CNTN1: variants seen among roughly 807,000 people sequenced by gnomAD.
CNTN1 encodes contactin-1.
In CNTN1, 38 loss-of-function variants were observed where a neutral mutation model predicts 126.4. The ratio of observed to expected loss-of-function variants is 0.30; its 90% CI spans 0.23 to 0.39. The LOEUF (loss-of-function observed/expected upper bound fraction) is 0.39. Ranked by LOEUF, CNTN1 falls within the 10% of genes least tolerant of loss-of-function variation. CNTN1 has a pLI of 1.00. For missense variants in CNTN1, 1,009 were observed against 1,248.4 expected (o/e 0.81, Z 2.89); for synonymous variants, 413 against 422.6 (o/e 0.98, Z 0.28).
At chr12:40,851,270 A>G (rs1942705623) in intron 1 of CNTN1, among the ~76,000 whole-genome samples, 1 of 152,168 alleles carries the variant, frequency 6.6e-6, no homozygotes, top group Non-Finnish European at 1.5e-5. Flanking sequence ...TAGTTTGTAT[A>G]TACTCTTTTC....
intron 1 of CNTN1, among the ~76,000 whole-genome samples, chr12:40,762,798 A>G (rs1938916685): frequency 6.6e-6 from 1 of 152,160 alleles, no homozygotes; most frequent in African/African-American, 2.4e-5. Context: ...TGGCTAAGAC[A>G]GGAATTGAGT....
intron 1 of CNTN1, among the ~76,000 whole-genome samples, chr12:40,722,932 TAG>T (rs764207408): frequency 2.6e-5 from 4 of 152,208 alleles, no homozygotes; most frequent in Non-Finnish European, 4.4e-5. Flanking sequence ...GTTTTGAAGA[TAG>T]AGTTGTGTAA....
chr12:41,046,427 A>T (rs1949540685), intron 23 of CNTN1, among the ~76,000 whole-genome samples: 1 of 152,156 alleles, frequency 6.6e-6, no homozygotes, highest in Non-Finnish European at 1.5e-5. Context: ...TACTTCAATA[A>T]TACATTTCTT....
At position 40,972,020 on chromosome 12, in the gene CNTN1, T is replaced by C. The variant is rs186665491; in HGVS notation, c.1805-8889T>C. On this transcript the variant is annotated intron_variant, in intron 15 of 23. Coordinates refer to ENST00000551295, the MANE Select transcript of CNTN1 (RefSeq NM_001843.4). ...TTCTTAATCCTAGTACCATACATAT[T>C]CTTTGGCATGAAAGAATGAAAAGCA... is the stretch of plus-strand genomic sequence containing the variant. 1.2e-4 allele frequency: 117 copies of C among 986,344 alleles called. No individual in the cohort carries two copies. In the African/African-American group the frequency reaches 1.7e-3, roughly 15 times the overall value. 61.1% of individuals were successfully genotyped at this position (986,344 alleles called of 1,614,324 possible).
At chr12:40,752,611 A>G (rs936265827) in intron 1 of CNTN1, among the ~76,000 whole-genome samples, 1 of 152,096 alleles carries the variant, frequency 6.6e-6, no homozygotes, top group Non-Finnish European at 1.5e-5. Context: ...CCAACTTCAA[A>G]TAAGACAATT....
chr12:40,887,425 A>T (rs1193581862), intron 1 of CNTN1, among the ~76,000 whole-genome samples: 1 of 152,234 alleles, frequency 6.6e-6, no homozygotes, highest in East Asian at 1.9e-4. Flanking sequence ...GCTCGTCGTC[A>T]CTGGCCATCA....
Position 40,953,688 on chromosome 12 carries a change from A to G in CNTN1, c.1684-5426A>G, listed in dbSNP as rs570584679. On this transcript the variant is annotated intron_variant, in intron 14 of 23. Coordinates refer to ENST00000551295, the MANE Select transcript of CNTN1 (RefSeq NM_001843.4). ...CTTTTAGAGTAGTTTAAAAATCGTA[A>G]AAGAGTTCATGGTGAAAAATTAATA... Among the ~76,000 whole-genome samples the G allele has an allele frequency of 1.1e-3, 160 of 152,052 alleles. 2 individuals are homozygous for G. The highest frequency in any genetic ancestry group is 1.5e-3 in the Non-Finnish European group (105 of 68,002).
At chr12:40,969,975 C>T (rs1423515332) in intron 15 of CNTN1, among the ~76,000 whole-genome samples, 1 of 152,162 alleles carries the variant, frequency 6.6e-6, no homozygotes, top group African/African-American at 2.4e-5. Flanking sequence ...TGAGCATCTG[C>T]TTCCTGCACT....
chr12:40,899,924 T>C (rs1944549220), intron 1 of CNTN1, among the ~76,000 whole-genome samples: 1 of 152,170 alleles, frequency 6.6e-6, no homozygotes, highest in African/African-American at 2.4e-5. Flanking sequence ...CAAAGACAGA[T>C]ACTAAGTATC....
intron 15 of CNTN1, among the ~76,000 whole-genome samples, chr12:40,977,400 G>T (rs1947705374): frequency 6.6e-6 from 1 of 152,090 alleles, no homozygotes; most frequent in Non-Finnish European, 1.5e-5. Context: ...GGTGTAATGA[G>T]GCATGTCTGG....
chr12:40,944,676 T>G (rs1188916169), intron 14 of CNTN1, among the ~76,000 whole-genome samples: 1 of 118,134 alleles, frequency 8.5e-6, no homozygotes, highest in African/African-American at 3.1e-5. Context: ...TGTTACATTC[T>G]ACAAGTCCTA....
At chr12:41,049,689 C>G (rs184492787) in intron 23 of CNTN1, among the ~76,000 whole-genome samples, 1 of 152,166 alleles carries the variant, frequency 6.6e-6, no homozygotes, top group Non-Finnish European at 1.5e-5. Flanking sequence ...CAGCTCTTCT[C>G]ATGTCTCTGC....
Position 40,933,757 on chromosome 12 carries a change from T to G in CNTN1, c.864T>G (p.Ile288Met). The G allele has an allele frequency of 1.2e-6, 2 of 1,612,892 alleles. No homozygotes were observed. Among genetic ancestry groups the G allele is most frequent in the African/African-American group, 1.3e-5 (1 of 74,968 alleles). The stretch of plus-strand genomic sequence containing the variant: ...AACCAATGCCAAGCACTGCTGAGAT[T>G]AGCACCTCTGGGGCTGTTCTTAAGA... Reference protein sequence around the residue: ...VLEPMPSTAEISTSGAVLKIF... With the variant: ...VLEPMPSTAEMSTSGAVLKIF... The change falls in exon 9 of 24, where the codon ATT becomes ATG. Residue 288 changes from isoleucine (I) to methionine (M), a missense_variant. Physicochemically the swap from Ile to Met is conservative, Grantham distance 10. Coordinates refer to ENST00000551295, the MANE Select transcript of CNTN1 (RefSeq NM_001843.4).
chr12:41,020,287 C>T, intron 19 of CNTN1, 50 bp from the exon 20 acceptor site: 1 of 1,209,116 alleles, frequency 8.3e-7, no homozygotes, highest in Non-Finnish European at 1.2e-6. Context: ...ATTCGAATTT[C>T]TTAAATGTAA....
chr12:40,750,290 G>C (rs1938356133), intron 1 of CNTN1, among the ~76,000 whole-genome samples: 1 of 152,022 alleles, frequency 6.6e-6, no homozygotes, highest in African/African-American at 2.4e-5. Context: ...TGAGGCAGGA[G>C]GGGAATATTC....
chr12:41,053,425 C>G (rs1395893190), intron 23 of CNTN1, among the ~76,000 whole-genome samples: 2 of 35,856 alleles, frequency 5.6e-5, no homozygotes, highest in African/African-American at 3.7e-4. Context: ...CATGTTTTCA[C>G]TAAATATATA....
intron 1 of CNTN1, among the ~76,000 whole-genome samples, chr12:40,894,119 C>T (rs1468034148): frequency 6.6e-6 from 1 of 152,076 alleles, no homozygotes; most frequent in Non-Finnish European, 1.5e-5. Flanking sequence ...TCATACCCTC[C>T]TTGAAGCCAA....
At chr12:40,926,147 G>GCC (rs1030000343) in intron 6 of CNTN1, among the ~76,000 whole-genome samples, 1 of 145,934 alleles carries the variant, frequency 6.9e-6, no homozygotes, top group African/African-American at 2.5e-5. Flanking sequence ...TAAAAGACAT[G>GCC]CCATGTTAGA....
At chr12:41,039,277 G>A (rs1949341191) in intron 23 of CNTN1, among the ~76,000 whole-genome samples, 2 of 152,164 alleles carry the variant, frequency 1.3e-5, no homozygotes, top group Non-Finnish European at 2.9e-5. Context: ...GATCAGTTAG[G>A]TGATAGTCCA....
Sources: allele counts gnomAD v4.1 joint callset (sites outside exome capture counted in the v4.1 genomes callset), GRCh38; gene constraint gnomAD v4.1.1; transcripts MANE v1.5; gene names NCBI Gene and HGNC (gene_info 2026-07-23, HGNC 2026-07-21).